CLSTN2: variants seen among roughly 807,000 people sequenced by gnomAD.
CLSTN2 encodes calsyntenin-2.
A neutral mutation model predicts 101.2 loss-of-function variants in CLSTN2; 48 were observed. The ratio of observed to expected loss-of-function variants is 0.47; its 90% CI spans 0.38 to 0.60. The LOEUF is 0.60. Ranked by LOEUF, CLSTN2 falls within the 20% of genes least tolerant of loss-of-function variation. The pLI, the probability that CLSTN2 is intolerant of heterozygous loss-of-function variation, is 0.00. For missense variants in CLSTN2, 1,160 were observed against 1,238.2 expected (o/e 0.94, Z 0.95); for synonymous variants, 481 against 463.6 (o/e 1.04, Z -0.48).
chr3:139,939,492 G>C (rs1375121319), intron 1 of CLSTN2, among the ~76,000 whole-genome samples: 1 of 152,194 alleles, frequency 6.6e-6, no homozygotes, highest in Non-Finnish European at 1.5e-5. Context: ...AAGCTGAGCT[G>C]TTTGCATCTT....
At chr3:140,367,117 AC>A (rs1488358684) in intron 2 of CLSTN2, among the ~76,000 whole-genome samples, 2 of 152,194 alleles carry the variant, frequency 1.3e-5, no homozygotes, top group Non-Finnish European at 2.9e-5. Context: ...TGCTTTAGAC[AC>A]CAGAAGAATA....
intron 1 of CLSTN2, among the ~76,000 whole-genome samples, chr3:140,136,403 T>C (rs897962830): frequency 1.3e-5 from 2 of 152,350 alleles, no homozygotes; most frequent in African/African-American, 4.8e-5. Flanking sequence ...ATTTCTCTTG[T>C]AGGAATTGTC....
chr3:140,394,812 A>G (rs1408089044), intron 2 of CLSTN2, among the ~76,000 whole-genome samples: 1 of 152,180 alleles, frequency 6.6e-6, no homozygotes, highest in East Asian at 1.9e-4. Context: ...TGATTTTTGT[A>G]AATTGTTATT....
chr3:140,439,912 GTATC>G (rs758165642), intron 5 of CLSTN2, among the ~76,000 whole-genome samples: 2 of 152,318 alleles, frequency 1.3e-5, no homozygotes. Flanking sequence ...GTCTGGGTGT[GTATC>G]TATGTGTATG....
At chr3:140,355,818 A>G (rs1576529817) in intron 2 of CLSTN2, among the ~76,000 whole-genome samples, 1 of 152,356 alleles carries the variant, frequency 6.6e-6, no homozygotes, top group African/African-American at 2.4e-5. Context: ...TCAGGATGTC[A>G]CAGAGAAAAG....
At chr3:140,200,832 T>A (rs2010709246) in intron 2 of CLSTN2, among the ~76,000 whole-genome samples, 1 of 151,936 alleles carries the variant, frequency 6.6e-6, no homozygotes, top group Non-Finnish European at 1.5e-5. Flanking sequence ...TTTAAACACC[T>A]GCTCTTTCTT....
intron 8 of CLSTN2, among the ~76,000 whole-genome samples, chr3:140,481,015 C>T (rs142146445): frequency 0.08 from 12,230 of 152,214 alleles, 635 homozygotes; most frequent in Non-Finnish European, 0.11. Context: ...ACATGAAGTC[C>T]TTGCCCATGC....
At chr3:140,058,751 A>G (rs2008143379) in intron 1 of CLSTN2, among the ~76,000 whole-genome samples, 1 of 151,590 alleles carries the variant, frequency 6.6e-6, no homozygotes, top group African/African-American at 2.4e-5. Flanking sequence ...GGCCAGGGTT[A>G]AATGTCTAGA....
At chr3:140,357,217 T>A (rs2107946865) in intron 2 of CLSTN2, among the ~76,000 whole-genome samples, 1 of 152,352 alleles carries the variant, frequency 6.6e-6, no homozygotes, top group African/African-American at 2.4e-5. Flanking sequence ...TTCATTTTTC[T>A]TAAATTGCCA....
intron 2 of CLSTN2, among the ~76,000 whole-genome samples, chr3:140,210,836 C>G (rs2010846331): frequency 1.3e-5 from 2 of 151,996 alleles, no homozygotes; most frequent in African/African-American, 4.8e-5. Context: ...GGATTTGGAT[C>G]AGGAAGACGG....
At chr3:140,488,367 G>A (rs1934279177) in intron 8 of CLSTN2, among the ~76,000 whole-genome samples, 1 of 152,150 alleles carries the variant, frequency 6.6e-6, no homozygotes, top group East Asian at 1.9e-4. Context: ...GTGACCTTAG[G>A]TGAGTCACTT....
chr3:140,261,825 C>G (rs1021871476), intron 2 of CLSTN2, among the ~76,000 whole-genome samples: 3 of 152,136 alleles, frequency 2.0e-5, no homozygotes, highest in African/African-American at 7.2e-5. Context: ...TGTAAGCTCT[C>G]CAACAGTAGG....
intron 1 of CLSTN2, among the ~76,000 whole-genome samples, chr3:139,977,021 C>A (rs1028217672): frequency 2.6e-5 from 4 of 152,150 alleles, no homozygotes; most frequent in South Asian, 2.1e-4. Flanking sequence ...CTGGGGAGGA[C>A]AAGCAGACAC....
intron 2 of CLSTN2, among the ~76,000 whole-genome samples, chr3:140,294,537 A>G (rs1191731216): frequency 6.6e-6 from 1 of 151,524 alleles, no homozygotes; most frequent in East Asian, 1.9e-4. Context: ...TCATTGGACA[A>G]GGCAAGTTAT....
chr3:140,082,903 G>A (rs533897860), intron 1 of CLSTN2, among the ~76,000 whole-genome samples: 92 of 152,298 alleles, frequency 6.0e-4, no homozygotes, highest in African/African-American at 2.0e-3. Flanking sequence ...AGGTCTTGAT[G>A]TCAAGGAGCA....
chr3:140,348,874 T>C (rs2087578727), intron 2 of CLSTN2, among the ~76,000 whole-genome samples: 3 of 152,222 alleles, frequency 2.0e-5, no homozygotes, highest in Admixed American at 2.0e-4. Flanking sequence ...CTCTCCCCTG[T>C]TCTCCCAGTC....
At chr3:140,264,425 T>TAA (rs2086678664) in intron 2 of CLSTN2, among the ~76,000 whole-genome samples, 3 of 89,460 alleles carry the variant, frequency 3.4e-5, no homozygotes, top group African/African-American at 4.3e-5. Context: ...TATATATATA[T>TAA]ATAAAATTAG....
chr3:140,356,488 G>A (rs1489203969), intron 2 of CLSTN2, among the ~76,000 whole-genome samples: 2 of 152,044 alleles, frequency 1.3e-5, no homozygotes, highest in Non-Finnish European at 2.9e-5. Context: ...GGCTGGGCGC[G>A]GTGGCTCATG....
rs907220774 is a variant in CLSTN2 at position 139,935,942 on chromosome 3, G to A, written c.109+459G>A. Reference sequence around the variant, plus strand: ...CAGCTCGGGGATGGAGTGGAAACTTGTAGGCTCCAGGGAAGGCCCCGCTGA... The same window carrying A: ...CAGCTCGGGGATGGAGTGGAAACTTATAGGCTCCAGGGAAGGCCCCGCTGA... On this transcript the variant is annotated intron_variant, in intron 1 of 16. Transcript: ENST00000458420. This position sits in a 1 kb window ranked among gnomAD's most constrained non-coding sequence, Gnocchi z 5.5. Among the ~76,000 whole-genome samples the A allele has an allele frequency of 6.6e-6, 1 of 152,048 alleles. No individual in the cohort carries two copies. The highest frequency in any genetic ancestry group is 1.9e-4 in the East Asian group (1 of 5,144).
Sources: gnomAD v4.1 joint callset for allele counts (sites outside exome capture counted in the v4.1 genomes callset) on GRCh38, gnomAD v4.1.1 for gene constraint, Gnocchi (gnomAD v3.1) non-coding constraint, MANE v1.5 for transcripts, NCBI Gene and HGNC (gene_info 2026-07-23, HGNC 2026-07-21) for gene names.